DLGAP2: variants seen among roughly 807,000 people sequenced by gnomAD.
The protein encoded by DLGAP2 is disks large-associated protein 2.
DLGAP2 carries 26 observed loss-of-function variants against 100.3 expected under a neutral mutation model. That is an observed-to-expected ratio of 0.26 (90% CI 0.19 to 0.36). DLGAP2 has a LOEUF of 0.36. Ranked by LOEUF, DLGAP2 falls within the 10% of genes least tolerant of loss-of-function variation. The pLI, the probability that DLGAP2 is intolerant of heterozygous loss-of-function variation, is 1.00. For synonymous variants in DLGAP2, 886 were observed against 630.1 expected (o/e 1.41, Z -6.08); for missense variants, 1,858 against 1,453.2 (o/e 1.28, Z -4.53).
At chr8:779,170 A>G (rs907666616) in intron 1 of DLGAP2, among the ~76,000 whole-genome samples, 19 of 152,194 alleles carry the variant, frequency 1.2e-4, no homozygotes, top group Admixed American at 2.6e-4. Flanking sequence ...GCGCTTCCCG[A>G]GTGAGGCAAT....
intron 4 of DLGAP2, among the ~76,000 whole-genome samples, chr8:1,537,677 G>C (rs1355613482): frequency 4.0e-5 from 6 of 151,752 alleles, no homozygotes; most frequent in African/African-American, 1.5e-4. Flanking sequence ...GTGGCTTCAT[G>C]GATGCAAGGA....
chr8:1,549,791 C>T, intron 5 of DLGAP2, 108 bp downstream of exon 5: 1 of 1,199,736 alleles, frequency 8.3e-7, no homozygotes, highest in Non-Finnish European at 1.1e-6. Flanking sequence ...TTAGGTTGTG[C>T]AACAGGATGT....
intron 8 of DLGAP2, among the ~76,000 whole-genome samples, chr8:1,667,647 C>T (rs761988771): frequency 2.6e-5 from 4 of 152,190 alleles, no homozygotes; most frequent in South Asian, 2.1e-4. Flanking sequence ...ACTCAACAGC[C>T]GCGATTAACA....
At chr8:1,217,931 C>A (rs146797799) in intron 2 of DLGAP2, among the ~76,000 whole-genome samples, 2,769 of 152,074 alleles carry the variant, frequency 0.018, 95 homozygotes, top group African/African-American at 0.062. Context: ...ATGTCCTTTG[C>A]CCATTTTTTA....
rs577902235 is a variant in DLGAP2, at chr8:1,557,585, C to T, written c.1230+7902C>T. 4.9e-4 allele frequency among the ~76,000 whole-genome samples: 74 copies of T among 152,142 alleles called. 1 individual carries two copies. The highest frequency in any genetic ancestry group is 9.1e-4 in the Non-Finnish European group (62 of 68,006). On this transcript the variant is annotated intron_variant, in intron 5 of 14. Coordinates refer to ENST00000637795, the MANE Select transcript of DLGAP2 (RefSeq NM_001346810.2). Reference sequence around the variant, plus strand: ...CTTCATGCCGCCAGCCTGGGTGGTGCGTGAGTCAGCTCGGGTGCCATGACG... The same window carrying T: ...CTTCATGCCGCCAGCCTGGGTGGTGTGTGAGTCAGCTCGGGTGCCATGACG...
At chr8:1,111,516 G>T (rs890461401) in intron 2 of DLGAP2, among the ~76,000 whole-genome samples, 1 of 151,902 alleles carries the variant, frequency 6.6e-6, no homozygotes, top group Non-Finnish European at 1.5e-5. Context: ...AATTAAGCCC[G>T]CTACTCAATA....
At chr8:946,168 C>T (rs1205640143) in intron 2 of DLGAP2, among the ~76,000 whole-genome samples, 2 of 152,084 alleles carry the variant, frequency 1.3e-5, no homozygotes, top group Non-Finnish European at 2.9e-5. Flanking sequence ...CCCTGACTCC[C>T]CCAGGGAGTC....
chr8:1,117,789 G>A (rs113426179), intron 2 of DLGAP2, among the ~76,000 whole-genome samples: 63 of 152,274 alleles, frequency 4.1e-4, no homozygotes, highest in African/African-American at 1.4e-3. Context: ...AGAATCACCT[G>A]CGCATTCTTG....
chr8:1,245,295 C>A (rs968528086), intron 2 of DLGAP2, among the ~76,000 whole-genome samples: 1 of 152,170 alleles, frequency 6.6e-6, no homozygotes, highest in Non-Finnish European at 1.5e-5. Context: ...TACCTGATTG[C>A]TTACAGAGGC....
intron 4 of DLGAP2, among the ~76,000 whole-genome samples, chr8:1,538,117 G>A (rs1214826118): frequency 6.6e-6 from 1 of 152,166 alleles, no homozygotes; most frequent in Non-Finnish European, 1.5e-5. Context: ...GGCTGCCGAG[G>A]CACTCATGTC....
chr8:1,679,508 C>G (rs1798893210), intron 12 of DLGAP2, among the ~76,000 whole-genome samples: 1 of 151,834 alleles, frequency 6.6e-6, no homozygotes, highest in Admixed American at 6.6e-5. Flanking sequence ...CTACCAGAGT[C>G]ACCACCAAAG....
chr8:1,085,795 A>C (rs187047850), intron 2 of DLGAP2, among the ~76,000 whole-genome samples: 1 of 152,132 alleles, frequency 6.6e-6, no homozygotes, highest in Non-Finnish European at 1.5e-5. Flanking sequence ...TTTTTTCTGT[A>C]TCTACAAGGA....
intron 2 of DLGAP2, among the ~76,000 whole-genome samples, chr8:1,116,452 GTTTC>G (rs1258145980): frequency 6.6e-6 from 1 of 152,126 alleles, no homozygotes; most frequent in Non-Finnish European, 1.5e-5. Context: ...TATTTCTTCA[GTTTC>G]TTTATCTGTA....
In DLGAP2 at chr8:1,697,313, T is replaced by C. The variant is rs185039242; in HGVS notation, c.2949+14T>C. 73 of 1,583,992 alleles carry C rather than the reference T, an allele frequency of 4.6e-5. No individual in the cohort carries two copies. The highest frequency in any genetic ancestry group is 7.0e-5 in the Admixed American group (4 of 57,344). On this transcript the variant is annotated intron_variant, in intron 14 of 14. Coordinates refer to ENST00000637795, the MANE Select transcript of DLGAP2 (RefSeq NM_001346810.2). ...CCGGAAAGAAAGGTAAGGGCATCCA[T>C]GCAGGGCCGGCTCCCAGCAAACCCC...
At position 1,249,235 on chromosome 8, in the gene DLGAP2, A is replaced by G. The variant is rs114321041; in HGVS notation, c.74-9616A>G. ...TCAGAACTCTTAGCATTGGGAGCAC[A>G]TTTCAGAAGCAGAATGGCAGACTCA... On this transcript the variant is annotated intron_variant, in intron 2 of 14. Transcript: ENST00000637795. Among the ~76,000 whole-genome samples, 1,109 of 152,154 alleles carry G rather than the reference A, an allele frequency of 7.3e-3. 12 individuals are homozygous for G. Among genetic ancestry groups the G allele is most frequent in the African/African-American group, 0.025 (1,056 of 41,486 alleles).
chr8:1,549,711 C>A, intron 5 of DLGAP2, 28 bp downstream of exon 5: 1 of 1,512,190 alleles, frequency 6.6e-7, no homozygotes, highest in Non-Finnish European at 8.9e-7. Flanking sequence ...CCTGTGGAGG[C>A]CGTCTCGGCA....
chr8:1,602,214 G>A (rs1426237977), intron 6 of DLGAP2, among the ~76,000 whole-genome samples: 2 of 152,318 alleles, frequency 1.3e-5, no homozygotes, highest in African/African-American at 2.4e-5. Flanking sequence ...ATGACAAGAG[G>A]AGTAAAAGTG....
chr8:959,903 C>T (rs562940291), intron 2 of DLGAP2, among the ~76,000 whole-genome samples: 1 of 152,092 alleles, frequency 6.6e-6, no homozygotes, highest in African/African-American at 2.4e-5. Flanking sequence ...ATTGAGTGAA[C>T]AGCTGTCTCA....
At chr8:1,628,327 A>C (rs556754452) in intron 7 of DLGAP2, among the ~76,000 whole-genome samples, 100 of 145,398 alleles carry the variant, frequency 6.9e-4, no homozygotes, top group African/African-American at 2.6e-3. Flanking sequence ...CCGAGCTCAC[A>C]TTCTCTCTGA....
Sources: gnomAD v4.1 joint callset for allele counts (sites outside exome capture counted in the v4.1 genomes callset) on GRCh38, gnomAD v4.1.1 for gene constraint, MANE v1.5 for transcripts, NCBI Gene and HGNC (gene_info 2026-07-23, HGNC 2026-07-21) for gene names.